The following MTUS2 variants were observed in gnomAD, a reference collection of about 807,000 sequenced individuals.
MTUS2 encodes the protein microtubule-associated tumor suppressor candidate 2.
Under a neutral mutation model 114.1 loss-of-function variants are expected in MTUS2, and 40 were observed. The observed-to-expected ratio is 0.35, with a 90% CI of 0.27 to 0.46. MTUS2 has a LOEUF of 0.46. MTUS2 is among the 20% of genes least tolerant of loss of function. The probability of loss-of-function intolerance (pLI) is 1.00; values close to 1 mark genes in which losing one functional copy is unlikely to be tolerated. For missense variants in MTUS2, 1,679 were observed against 1,705.4 expected (o/e 0.98, Z 0.27); for synonymous variants, 688 against 672.0 (o/e 1.02, Z -0.37).
intron 4 of MTUS2, among the ~76,000 whole-genome samples, chr13:29,063,101 C>G (rs571437631): frequency 6.6e-6 from 1 of 152,112 alleles, no homozygotes; most frequent in South Asian, 2.1e-4. Flanking sequence ...AACCTAAGAT[C>G]GTGTATTTTA....
At chr13:29,318,728 G>A (rs1900126993) in intron 6 of MTUS2, among the ~76,000 whole-genome samples, 1 of 152,164 alleles carries the variant, frequency 6.6e-6, no homozygotes, top group Non-Finnish European at 1.5e-5. Flanking sequence ...GCCACTGATA[G>A]CATTGTGGAA....
At chr13:29,335,962 C>T (rs1649947213) in intron 7 of MTUS2, among the ~76,000 whole-genome samples, 1 of 152,086 alleles carries the variant, frequency 6.6e-6, no homozygotes, top group African/African-American at 2.4e-5. Context: ...TATCCTTTTT[C>T]CCGCTTGATG....
intron 5 of MTUS2, among the ~76,000 whole-genome samples, chr13:29,249,584 G>T (rs1368953181): frequency 6.6e-6 from 1 of 152,076 alleles, no homozygotes; most frequent in Non-Finnish European, 1.5e-5. Flanking sequence ...TTTTTAATAT[G>T]TTTGTTGGCG....
chr13:29,245,899 A>G (rs1377311763), intron 5 of MTUS2, among the ~76,000 whole-genome samples: 1 of 152,060 alleles, frequency 6.6e-6, no homozygotes, highest in Non-Finnish European at 1.5e-5. Context: ...GGGTTTCACC[A>G]TGTTAGCCAG....
chr13:29,100,695 C>A, intron 4 of MTUS2, 78 bp from the exon 5 acceptor site: 2 of 1,466,950 alleles, frequency 1.4e-6, no homozygotes, highest in Non-Finnish European at 1.9e-6. Flanking sequence ...GAACTGGGTT[C>A]GAATTCATAA....
intron 5 of MTUS2, among the ~76,000 whole-genome samples, chr13:29,200,801 T>C (rs1003583953): frequency 2.0e-5 from 3 of 152,134 alleles, no homozygotes; most frequent in Non-Finnish European, 1.5e-5. Context: ...ATTACAAGCG[T>C]GAGCCACATG....
chr13:29,049,336 C>A (rs1174658638), intron 4 of MTUS2, among the ~76,000 whole-genome samples: 1 of 152,148 alleles, frequency 6.6e-6, no homozygotes, highest in African/African-American at 2.4e-5. Flanking sequence ...TCCCATGAGG[C>A]CCTTAGGATA....
At chr13:29,446,486 C>A (rs1326610192) in intron 9 of MTUS2, among the ~76,000 whole-genome samples, 1 of 152,172 alleles carries the variant, frequency 6.6e-6, no homozygotes, top group Non-Finnish European at 1.5e-5. Context: ...CATTTCATAG[C>A]CATAAAATGT....
At chr13:29,013,173 G>A (rs929230217) in intron 2 of MTUS2, among the ~76,000 whole-genome samples, 5 of 152,280 alleles carry the variant, frequency 3.3e-5, no homozygotes, top group African/African-American at 7.2e-5. Flanking sequence ...TTTGGAGTCC[G>A]TGTCTCCTTT....
intron 6 of MTUS2, among the ~76,000 whole-genome samples, chr13:29,295,623 A>G (rs564931492): frequency 1.3e-5 from 2 of 152,348 alleles, no homozygotes; most frequent in Non-Finnish European, 2.9e-5. Flanking sequence ...TTATGGCTAC[A>G]TAGTATTCCA....
chr13:29,479,420 G>A (rs1229547983), intron 9 of MTUS2, among the ~76,000 whole-genome samples: 2 of 152,234 alleles, frequency 1.3e-5, no homozygotes, highest in Non-Finnish European at 2.9e-5. Flanking sequence ...GGCTTGGAGA[G>A]TGAGCTCAGG....
At chr13:29,211,517 C>A (rs1285674525) in intron 5 of MTUS2, among the ~76,000 whole-genome samples, 1 of 152,244 alleles carries the variant, frequency 6.6e-6, no homozygotes, top group Non-Finnish European at 1.5e-5. Flanking sequence ...TGGAAGTTTC[C>A]TTCTCCCTGT....
At chr13:29,489,888 G>A (rs1881933421) in intron 11 of MTUS2, 1 of 152,208 alleles carries the variant, frequency 6.6e-6, no homozygotes, top group Admixed American at 6.5e-5. Context: ...CCTGAAATCT[G>A]TCACTAGAGG....
At chr13:29,361,736 T>C (rs1042698104) in intron 8 of MTUS2, among the ~76,000 whole-genome samples, 1 of 152,226 alleles carries the variant, frequency 6.6e-6, no homozygotes, top group African/African-American at 2.4e-5. Flanking sequence ...TTATTGTGAA[T>C]GAGATCTTGT....
Position 29,176,446 on chromosome 13 carries a change from C to T in MTUS2, c.2644+75476C>T, listed in dbSNP as rs114573187. Among the ~76,000 whole-genome samples the T allele has an allele frequency of 8.1e-3, 1,234 of 152,224 alleles. 21 individuals carry two copies. Among genetic ancestry groups the T allele is most frequent in the African/African-American group, 0.028 (1,148 of 41,520 alleles). On this transcript the variant is annotated intron_variant, in intron 5 of 15. Coordinates refer to ENST00000612955, the MANE Select transcript of MTUS2 (RefSeq NM_001033602.4). Reference sequence around the variant, plus strand: ...TGTTCTCTTGGAGCAGGTGCTATCTCGTGCGGCTCACAGAGCCTGTCCAGG... The same window carrying T: ...TGTTCTCTTGGAGCAGGTGCTATCTTGTGCGGCTCACAGAGCCTGTCCAGG...
At chr13:29,159,336 A>G (rs895927332) in intron 5 of MTUS2, among the ~76,000 whole-genome samples, 2 of 152,166 alleles carry the variant, frequency 1.3e-5, no homozygotes, top group African/African-American at 2.4e-5. Context: ...AGGTGTGTGT[A>G]TACTATATAT....
rs1886497603 is a variant in MTUS2 at position 29,025,630 on chromosome 13, A to G, written c.932A>G (p.Asp311Gly). 2.5e-6 allele frequency: 4 copies of G among 1,613,922 alleles called. No homozygotes were observed. The African/African-American group carries it at 4.0e-5, about 16-fold the overall frequency. ...CAGGGAAAGGGAGAGGCCAAGCTGGATCTGAAATATGTTCCTCCCAGGAGA... is the reference window on the plus strand; with the variant it reads ...CAGGGAAAGGGAGAGGCCAAGCTGGGTCTGAAATATGTTCCTCCCAGGAGA... Reference protein sequence around the residue: ...LGQGKGEAKLDLKYVPPRRVE... With the variant: ...LGQGKGEAKLGLKYVPPRRVE... The change falls in exon 3 of 16, where the codon GAT becomes GGT. Residue 311 changes from aspartate (D) to glycine (G), a missense_variant. By Grantham distance (94) the Asp-to-Gly change is moderately conservative. Transcript: ENST00000612955.
Position 28,846,934 on chromosome 13 carries a change from T to C in MTUS2, c.-243+7084T>C, listed in dbSNP as rs1176738721. Among the ~76,000 whole-genome samples the C allele has an allele frequency of 2.0e-5, 3 of 152,254 alleles. No individual in the cohort carries two copies. In the East Asian group the frequency reaches 5.8e-4, roughly 29 times the overall value. On this transcript the variant is annotated intron_variant, in intron 2 of 15. Transcript: ENST00000612955. ...TTCTTCAGTGGTGTAATCCATGTCTTATTCATTCCCAATATTATTTGGCAA... is the reference window on the plus strand; with the variant it reads ...TTCTTCAGTGGTGTAATCCATGTCTCATTCATTCCCAATATTATTTGGCAA...
At chr13:29,282,992 A>C (rs1287894042) in intron 6 of MTUS2, among the ~76,000 whole-genome samples, 1 of 152,202 alleles carries the variant, frequency 6.6e-6, no homozygotes, top group African/African-American at 2.4e-5. Flanking sequence ...ATGCTGCAAT[A>C]AACAGCCTTG....
Sources: allele counts gnomAD v4.1 joint callset (sites outside exome capture counted in the v4.1 genomes callset), GRCh38; gene constraint gnomAD v4.1.1; transcripts MANE v1.5; gene names NCBI Gene and HGNC (gene_info 2026-07-23, HGNC 2026-07-21).